Variants in NCAM1 observed in about 807,000 individuals in gnomAD.
NCAM1 encodes neural cell adhesion molecule 1, also known as antigen recognized by monoclonal antibody 5.1H11.
Under a neutral mutation model 109.8 loss-of-function variants are expected in NCAM1, and 14 were observed. The ratio of observed to expected loss-of-function variants is 0.13; its 90% CI spans 0.08 to 0.20. The LOEUF (loss-of-function observed/expected upper bound fraction) is 0.20. NCAM1 is among the 10% of genes least tolerant of loss of function. NCAM1 has a pLI of 1.00. For synonymous variants in NCAM1, 418 were observed against 442.9 expected (o/e 0.94, Z 0.70); for missense variants, 774 against 1,109.9 (o/e 0.70, Z 4.30).
intron 14 of NCAM1, among the ~76,000 whole-genome samples, chr11:113,238,984 C>T (rs1261226130): frequency 6.6e-6 from 1 of 152,168 alleles, no homozygotes; most frequent in African/African-American, 2.4e-5. Context: ...TGAGATGTCT[C>T]AATAATGGGG....
At chr11:113,122,117 G>A (rs879946516) in intron 1 of NCAM1, among the ~76,000 whole-genome samples, 6 of 152,166 alleles carry the variant, frequency 3.9e-5, no homozygotes, top group Non-Finnish European at 7.3e-5. Context: ...CAGTTGCCTG[G>A]TGTCATCAGC....
At chr11:113,236,011 C>T (rs554553002) in intron 14 of NCAM1, among the ~76,000 whole-genome samples, 2 of 152,228 alleles carry the variant, frequency 1.3e-5, no homozygotes, top group African/African-American at 2.4e-5. Flanking sequence ...GCTCTCTGAC[C>T]CCTGGATTTA....
chr11:113,261,611 T>A (rs988381376), intron 17 of NCAM1, among the ~76,000 whole-genome samples: 3 of 152,130 alleles, frequency 2.0e-5, no homozygotes, highest in African/African-American at 4.8e-5. Context: ...AACAGGATGT[T>A]CAAATGGAGG....
intron 1 of NCAM1, among the ~76,000 whole-genome samples, chr11:113,043,630 C>T (rs1953156240): frequency 6.6e-6 from 1 of 152,214 alleles, no homozygotes; most frequent in Non-Finnish European, 1.5e-5. Flanking sequence ...GCCACAGTGC[C>T]TGGCCTGAAA....
At chr11:113,106,988 G>T (rs1591330770) in intron 1 of NCAM1, among the ~76,000 whole-genome samples, 1 of 152,246 alleles carries the variant, frequency 6.6e-6, no homozygotes, top group East Asian at 1.9e-4. Flanking sequence ...TTATCTATTT[G>T]TTTCACACAA....
At position 113,263,647 on chromosome 11, in the gene NCAM1, C is replaced by G. The variant is rs1946068105; in HGVS notation, c.2131+3324C>G. ...GCCATGATGTGCCAACAAGTGTCAG[C>G]TTTGAAAGGTGTTTGTCTCCCAATC... On this transcript the variant is annotated intron_variant, in intron 17 of 19. Transcript: ENST00000316851. The G allele has an allele frequency of 4.1e-6, 4 of 985,494 alleles. No individual in the cohort carries two copies. In the East Asian group the frequency reaches 3.4e-4, roughly 84 times the overall value. The allele number at this position is 985,494 out of a possible 1,614,324, so 61.0% of individuals were successfully genotyped here.
intron 1 of NCAM1, among the ~76,000 whole-genome samples, chr11:113,168,011 C>T (rs555167223): frequency 4.6e-5 from 7 of 152,272 alleles, no homozygotes; most frequent in African/African-American, 1.2e-4. Flanking sequence ...TGACTGGATT[C>T]TGAAGCCAGA....
chr11:113,140,019 C>A (rs115819129), intron 1 of NCAM1, among the ~76,000 whole-genome samples: 80 of 152,272 alleles, frequency 5.3e-4, no homozygotes, highest in African/African-American at 1.9e-3. Flanking sequence ...AAGTGATAAG[C>A]AGTTTGTCAC....
chr11:113,038,639 G>A (rs1052745135), intron 1 of NCAM1, among the ~76,000 whole-genome samples: 1 of 152,220 alleles, frequency 6.6e-6, no homozygotes, highest in Non-Finnish European at 1.5e-5. Context: ...ACAGAGAGAC[G>A]GTGCTGTGGA....
At chr11:113,065,203 A>G (rs545967415) in intron 1 of NCAM1, among the ~76,000 whole-genome samples, 1 of 152,248 alleles carries the variant, frequency 6.6e-6, no homozygotes, top group African/African-American at 2.4e-5. Context: ...AAATAAAAGT[A>G]TTGGATTATA....
chr11:113,140,023 T>C (rs1451029904), intron 1 of NCAM1, among the ~76,000 whole-genome samples: 1 of 152,200 alleles, frequency 6.6e-6, no homozygotes, highest in African/African-American at 2.4e-5. Flanking sequence ...GATAAGCAGT[T>C]TGTCACCATT....
intron 1 of NCAM1, among the ~76,000 whole-genome samples, chr11:113,068,087 A>G (rs983133060): frequency 4.0e-5 from 6 of 151,516 alleles, no homozygotes; most frequent in African/African-American, 1.5e-4. Flanking sequence ...ATTTTTTCAT[A>G]TTTTCAGTAG....
chr11:113,025,798 AGAGAGAGAGAGAGAGAGAGAGAGAGG>A (rs1284446492), intron 1 of NCAM1, among the ~76,000 whole-genome samples: 1 of 79,868 alleles, frequency 1.3e-5, no homozygotes, highest in African/African-American at 4.0e-5. Flanking sequence ...AGAGAGAGAG[AGAGAGAGAGAGAGAGAGAGAGAGAGG>A]GAGAGAGAGA....
chr11:113,053,838 G>C (rs75152561), intron 1 of NCAM1, among the ~76,000 whole-genome samples: 1 of 152,206 alleles, frequency 6.6e-6, no homozygotes, highest in Non-Finnish European at 1.5e-5. Flanking sequence ...AAGTCCCTGG[G>C]GGCTTGTGAA....
At chr11:113,061,139 G>T (rs1937623958) in intron 1 of NCAM1, among the ~76,000 whole-genome samples, 1 of 152,032 alleles carries the variant, frequency 6.6e-6, no homozygotes, top group South Asian at 2.1e-4. Flanking sequence ...TTATTAACAG[G>T]TTCCACATTT....
intron 1 of NCAM1, chr11:113,134,000 A>G (rs1322785936): frequency 6.6e-6 from 1 of 152,120 alleles, no homozygotes; most frequent in African/African-American, 2.4e-5. Flanking sequence ...AAAAAAAAAC[A>G]TATAAAATTG....
chr11:113,089,091 G>A (rs1400581782), intron 1 of NCAM1, among the ~76,000 whole-genome samples: 1 of 152,148 alleles, frequency 6.6e-6, no homozygotes, highest in Admixed American at 6.5e-5. Flanking sequence ...GAGGTGGGCA[G>A]ATCACAAGGT....
At chr11:112,971,296 T>C (rs1334450611) in intron 1 of NCAM1, among the ~76,000 whole-genome samples, 2 of 151,982 alleles carry the variant, frequency 1.3e-5, no homozygotes, top group Non-Finnish European at 2.9e-5. Context: ...TTGGTTGTAA[T>C]GGAAAATACA....
At chr11:113,011,964 TTTCCTTCCTTCC>T (rs200929273) in intron 1 of NCAM1, among the ~76,000 whole-genome samples, 15,703 of 114,016 alleles carry the variant, frequency 0.14, 1,371 homozygotes, top group South Asian at 0.44. Context: ...CCTTCTCTCC[TTTCCTTCCTTCC>T]TTCCTTCCTT....
Sources: allele counts gnomAD v4.1 joint callset (sites outside exome capture counted in the v4.1 genomes callset), GRCh38; gene constraint gnomAD v4.1.1; transcripts MANE v1.5; gene names NCBI Gene and HGNC (gene_info 2026-07-23, HGNC 2026-07-21).